SYT1: variants seen among roughly 807,000 people sequenced by gnomAD.
SYT1 encodes synaptotagmin 1, also known as synaptotagmin-1.
In SYT1, 8 loss-of-function variants were observed where a neutral mutation model predicts 44.8. That is an observed-to-expected ratio of 0.18 (90% CI 0.10 to 0.32). SYT1 has a LOEUF of 0.32. SYT1 is among the 10% of genes least tolerant of loss of function. The pLI is 1.00. For missense variants in SYT1, 286 were observed against 509.3 expected (o/e 0.56, Z 4.22); for synonymous variants, 154 against 188.8 (o/e 0.82, Z 1.51).
At chr12:79,003,847 A>C (rs887821677) in intron 2 of SYT1, among the ~76,000 whole-genome samples, 1 of 151,936 alleles carries the variant, frequency 6.6e-6, no homozygotes, top group African/African-American at 2.4e-5. Flanking sequence ...TCCATCTGGC[A>C]GGTTTGAATC....
At chr12:78,988,140 C>T (rs1008842288) in intron 2 of SYT1, among the ~76,000 whole-genome samples, 2 of 151,092 alleles carry the variant, frequency 1.3e-5, no homozygotes, top group Non-Finnish European at 3.0e-5. Flanking sequence ...TTTTTTTTTT[C>T]AAAATGTACA....
intron 3 of SYT1, among the ~76,000 whole-genome samples, chr12:79,123,410 T>C (rs2138144033): frequency 6.6e-6 from 1 of 151,642 alleles, no homozygotes; most frequent in South Asian, 2.1e-4. Context: ...AATAGGTAAC[T>C]ATGTTAAAAA....
intron 3 of SYT1, among the ~76,000 whole-genome samples, chr12:79,213,909 G>A (rs1325737693): frequency 2.0e-5 from 3 of 152,158 alleles, no homozygotes; most frequent in African/African-American, 4.8e-5. Flanking sequence ...GCTACAGAGC[G>A]ATACTGTGTC....
intron 9 of SYT1, among the ~76,000 whole-genome samples, chr12:79,425,387 C>T (rs1476150044): frequency 6.6e-6 from 1 of 152,098 alleles, no homozygotes; most frequent in Admixed American, 6.5e-5. Flanking sequence ...GCCTTCCAGT[C>T]TAGGAATCTC....
intron 7 of SYT1, among the ~76,000 whole-genome samples, chr12:79,296,974 A>G (rs1335866589): frequency 6.6e-6 from 1 of 152,214 alleles, no homozygotes; most frequent in Non-Finnish European, 1.5e-5. Flanking sequence ...TGCATTACTT[A>G]GAACAATATG....
chr12:79,136,057 T>G (rs1869171128), intron 3 of SYT1, among the ~76,000 whole-genome samples: 1 of 152,222 alleles, frequency 6.6e-6, no homozygotes, highest in African/African-American at 2.4e-5. Context: ...TGGGTTGAGT[T>G]CAGCTTAGAA....
chr12:79,237,492 C>G (rs1477855084), intron 4 of SYT1, among the ~76,000 whole-genome samples: 2 of 152,004 alleles, frequency 1.3e-5, no homozygotes. Context: ...TAAAGTAGAA[C>G]AGCAGTGTGT....
chr12:79,182,231 T>C (rs1486968924), intron 3 of SYT1, among the ~76,000 whole-genome samples: 2 of 152,094 alleles, frequency 1.3e-5, no homozygotes, highest in African/African-American at 4.8e-5. Context: ...ATTTCAATAG[T>C]CTTTTACTGG....
At chr12:78,959,574 A>T (rs1453969638) in intron 1 of SYT1, among the ~76,000 whole-genome samples, 1 of 152,196 alleles carries the variant, frequency 6.6e-6, no homozygotes, top group African/African-American at 2.4e-5. Context: ...TTCGCCATAG[A>T]TATCCATTAT....
At chr12:78,937,743 C>T (rs1003587628) in intron 1 of SYT1, among the ~76,000 whole-genome samples, 3 of 152,080 alleles carry the variant, frequency 2.0e-5, no homozygotes, top group Non-Finnish European at 4.4e-5. Context: ...CAACAAAAAG[C>T]CACAATTTCT....
At chr12:78,967,739 T>C (rs567792723) in intron 1 of SYT1, among the ~76,000 whole-genome samples, 2 of 152,204 alleles carry the variant, frequency 1.3e-5, no homozygotes, top group African/African-American at 4.8e-5. Flanking sequence ...ATATACAGCA[T>C]AGCAGTAATT....
At chr12:79,139,487 A>G (rs948695708) in intron 3 of SYT1, among the ~76,000 whole-genome samples, 3 of 152,238 alleles carry the variant, frequency 2.0e-5, no homozygotes, top group African/African-American at 4.8e-5. Flanking sequence ...TCTTAGGCTT[A>G]TAAATATAAA....
At chr12:78,876,015 A>G (rs922105017) in intron 1 of SYT1, among the ~76,000 whole-genome samples, 9 of 151,686 alleles carry the variant, frequency 5.9e-5, no homozygotes, top group Non-Finnish European at 1.2e-4. Flanking sequence ...TTAAGTCAAC[A>G]CCTTAACTTT....
chr12:79,403,599 C>T (rs1423576974), intron 9 of SYT1, among the ~76,000 whole-genome samples: 3 of 152,022 alleles, frequency 2.0e-5, no homozygotes, highest in Non-Finnish European at 4.4e-5. Flanking sequence ...TTTAAGGGGA[C>T]ACAATTTCAC....
Position 78,924,914 on chromosome 12 carries a change from GTCT to G in SYT1, c.-216-52877_-216-52875del, listed in dbSNP as rs368856077. 1.7e-3 allele frequency among the ~76,000 whole-genome samples: 256 copies of G among 151,752 alleles called. 1 individual carries two copies. In the East Asian group the frequency reaches 0.018, roughly 11 times the overall value. Reference sequence around the variant, plus strand: ...TTTAGAAGCCTAGATCATGGGCTAGGTCTTCTTCTTGTTGCTACTGGGTGTCAT... The same window carrying G: ...TTTAGAAGCCTAGATCATGGGCTAGGTCTTCTTGTTGCTACTGGGTGTCAT... On this transcript the variant is annotated intron_variant, in intron 1 of 10. Coordinates refer to ENST00000261205, the MANE Select transcript of SYT1 (RefSeq NM_005639.3).
At position 79,291,913 on chromosome 12, in the gene SYT1, C is replaced by T. The variant is rs114866005; in HGVS notation, c.352-95C>T. The T allele has an allele frequency of 4.5e-4, 659 of 1,465,752 alleles. 5 individuals carry two copies. In the African/African-American group the frequency reaches 7.2e-3, roughly 16 times the overall value. 90.8% of individuals were successfully genotyped at this position (1,465,752 alleles called of 1,614,324 possible). ...CAGATTTCCAGCATCTTAGTGCTTG[C>T]TTCGAACAGCTTGGAAGTGTAACTA... On this transcript the variant is annotated intron_variant, in intron 5 of 10. Transcript: ENST00000261205.
chr12:79,405,402 T>C (rs1885209134), intron 9 of SYT1, among the ~76,000 whole-genome samples: 1 of 152,168 alleles, frequency 6.6e-6, no homozygotes, highest in South Asian at 2.1e-4. Context: ...AATTTAAATA[T>C]TGATTAATTT....
intron 9 of SYT1, among the ~76,000 whole-genome samples, chr12:79,423,920 C>G (rs897377279): frequency 1.3e-5 from 2 of 151,156 alleles, no homozygotes; most frequent in African/African-American, 4.9e-5. Flanking sequence ...ATCTATTAAC[C>G]TAAATAGAAA....
At chr12:78,959,297 A>G (rs1479727658) in intron 1 of SYT1, among the ~76,000 whole-genome samples, 4 of 152,294 alleles carry the variant, frequency 2.6e-5, no homozygotes, top group Non-Finnish European at 4.4e-5. Context: ...CAGCTAGAAG[A>G]AAGATTTTTT....
Sources: gnomAD v4.1 joint callset for allele counts (sites outside exome capture counted in the v4.1 genomes callset) on GRCh38, gnomAD v4.1.1 for gene constraint, MANE v1.5 for transcripts, NCBI Gene and HGNC (gene_info 2026-07-23, HGNC 2026-07-21) for gene names.